The following UNC13C variants were observed in gnomAD, a reference collection of about 807,000 sequenced individuals.
UNC13C encodes the protein protein unc-13 homolog C.
In UNC13C, 174 loss-of-function variants were observed where a neutral mutation model predicts 245.4. The ratio of observed to expected loss-of-function variants is 0.71; its 90% confidence interval spans 0.63 to 0.80. The LOEUF is 0.80. Among genes scored for constraint, UNC13C ranks in the 30% least tolerant of loss-of-function variants. The pLI, the probability that UNC13C is intolerant of heterozygous loss-of-function variation, is 0.00. For missense variants in UNC13C, 2,829 were observed against 2,602.9 expected, an observed-to-expected ratio of 1.09 and a Z score of -1.89; for synonymous variants, 992 against 895.1, an observed-to-expected ratio of 1.11 and a Z score of -1.93.
intron 32 of UNC13C, among the ~76,000 whole-genome samples, chr15:54,626,023 G>GA (rs1251579888): frequency 3.9e-5 from 6 of 152,096 alleles, no homozygotes; most frequent in East Asian, 1.9e-4. Context: ...TGTTTCATCA[G>GA]AAAAAAATCA....
the UNC13C span, among the ~76,000 whole-genome samples, chr15:53,939,671 G>C: frequency 6.6e-6 from 1 of 152,180 alleles, no homozygotes; most frequent in South Asian, 2.1e-4. Context: ...TGGGATGCAA[G>C]GTTGGTTCAA....
At position 54,479,228 on chromosome 15, in the gene UNC13C, A is replaced by G. The variant is rs540011617; in HGVS notation, c.4934-15380A>G. ...GGGGTCTCTCTCTCTCTTTAGCTCT[A>G]AGAATATTTGCTTTATATATCTGGG... On this transcript the variant is annotated intron_variant, in intron 19 of 32. Transcript: ENST00000260323. 3.2e-4 allele frequency among the ~76,000 whole-genome samples: 48 copies of G among 152,022 alleles called. No homozygotes were observed. In the South Asian group the frequency reaches 9.6e-3, roughly 30 times the overall value.
chr15:54,498,126 A>G (rs1205478494), intron 20 of UNC13C, among the ~76,000 whole-genome samples: 1 of 152,144 alleles, frequency 6.6e-6, no homozygotes, highest in Non-Finnish European at 1.5e-5. Flanking sequence ...ATAGGTATCT[A>G]CATTTCTATA....
chr15:53,870,899 C>G, the UNC13C span, among the ~76,000 whole-genome samples: 3 of 152,160 alleles, frequency 2.0e-5, no homozygotes, highest in Non-Finnish European at 4.4e-5. Flanking sequence ...TTCCTCATGT[C>G]TTTCCTATGA....
rs1044686831 is a variant in UNC13C, at chr15:54,236,524, T to C, written c.3156+89T>C. 7.0e-6 allele frequency: 7 copies of C among 997,222 alleles called. No homozygotes were observed. In the Admixed American group the frequency reaches 1.4e-4, roughly 19 times the overall value. 61.8% of individuals were successfully genotyped at this position (997,222 alleles called of 1,614,324 possible). Reference sequence around the variant, plus strand: ...CTCATGGGGTAAAAGAGGGCAAGAATGGAGAAATGAAAAGACAGACATACA... The same window carrying C: ...CTCATGGGGTAAAAGAGGGCAAGAACGGAGAAATGAAAAGACAGACATACA... On this transcript the variant is annotated intron_variant, in intron 6 of 32. Transcript: ENST00000260323.
chr15:54,528,564 G>A (rs73421552), intron 25 of UNC13C, among the ~76,000 whole-genome samples: 6,863 of 150,272 alleles, frequency 0.046, 501 homozygotes, highest in African/African-American at 0.16. Flanking sequence ...ATTTTTTCAC[G>A]TAATAGGAGC....
At position 54,627,280 on chromosome 15, in the gene UNC13C, C is replaced by A. The variant is rs1201383024; in HGVS notation, c.*167C>A. The A allele has an allele frequency of 3.1e-6, 2 of 650,922 alleles. No homozygotes were observed. Among genetic ancestry groups the A allele is most frequent in the East Asian group, 5.8e-5 (2 of 34,468 alleles). 40.3% of individuals were successfully genotyped at this position (650,922 alleles called of 1,614,324 possible). ...GCTGAACTTTTATACCAATTCTGGT[C>A]TTTGGGAAATCAGTGTTCCATGAAG... On this transcript the variant is annotated 3_prime_UTR_variant, in exon 33 of 33. Transcript: ENST00000260323.
intron 30 of UNC13C, 29 bp downstream of exon 30, chr15:54,567,976 G>A: frequency 7.0e-7 from 1 of 1,421,586 alleles, no homozygotes; most frequent in African/African-American, 1.4e-5. Flanking sequence ...CTGAGAATAA[G>A]GTAAACTGAA....
chr15:53,965,165 T>C, the UNC13C span, among the ~76,000 whole-genome samples: 1 of 152,310 alleles, frequency 6.6e-6, no homozygotes, highest in Admixed American at 6.5e-5. Flanking sequence ...CTATGTTTTA[T>C]TATGTAAAAT....
chr15:54,049,205 A>G (rs564212098), intron 2 of UNC13C: 6 of 479,186 alleles, frequency 1.3e-5, no homozygotes, highest in Non-Finnish European at 1.2e-5. Flanking sequence ...TTATTTTTTC[A>G]TCAGCTTTGT....
chr15:54,203,517 C>CAT (rs2034592790), intron 4 of UNC13C, among the ~76,000 whole-genome samples: 1 of 142,294 alleles, frequency 7.0e-6, no homozygotes, highest in Non-Finnish European at 1.5e-5. Flanking sequence ...CACACACACA[C>CAT]ACATATATAT....
chr15:54,277,783 A>G (rs927273101), intron 10 of UNC13C, among the ~76,000 whole-genome samples: 26 of 152,198 alleles, frequency 1.7e-4, no homozygotes, highest in Admixed American at 5.9e-4. Context: ...TGCATGTTCA[A>G]TCACAAGGAT....
chr15:54,059,093 G>C (rs1897677838), intron 2 of UNC13C, among the ~76,000 whole-genome samples: 1 of 152,136 alleles, frequency 6.6e-6, no homozygotes. Flanking sequence ...ATTCAACATA[G>C]TGTTGGAAGT....
intron 30 of UNC13C, among the ~76,000 whole-genome samples, chr15:54,605,210 C>T (rs1465646733): frequency 6.6e-6 from 1 of 152,146 alleles, no homozygotes; most frequent in Non-Finnish European, 1.5e-5. Context: ...ACCAATTTGT[C>T]TGAATGGCCC....
intron 4 of UNC13C, among the ~76,000 whole-genome samples, chr15:54,197,634 ATC>A (rs1354856597): frequency 1.3e-5 from 2 of 152,136 alleles, no homozygotes; most frequent in African/African-American, 4.8e-5. Context: ...CCTGAAGTGC[ATC>A]TTCTGGCTGT....
At chr15:54,396,718 C>G (rs1471932697) in intron 18 of UNC13C, among the ~76,000 whole-genome samples, 2 of 151,380 alleles carry the variant, frequency 1.3e-5, no homozygotes, top group African/African-American at 4.8e-5. Flanking sequence ...TTTTACCTAT[C>G]CTAACAGGCA....
At chr15:54,465,057 A>G (rs1298853448) in intron 19 of UNC13C, among the ~76,000 whole-genome samples, 1 of 152,082 alleles carries the variant, frequency 6.6e-6, no homozygotes, top group Non-Finnish European at 1.5e-5. Flanking sequence ...ATTCAGTATC[A>G]TATAATTTCA....
In UNC13C at chr15:54,379,298, T is replaced by A. The variant is rs187161688; in HGVS notation, c.4714-13750T>A. Among the ~76,000 whole-genome samples the A allele has an allele frequency of 1.6e-4, 25 of 152,138 alleles. No homozygotes were observed. In the East Asian group the frequency reaches 3.9e-3, roughly 24 times the overall value. On this transcript the variant is annotated intron_variant, in intron 17 of 32. Transcript: ENST00000260323. Reference sequence around the variant, plus strand: ...TAAACTATTCCACTTCCTCTTAAAATTAGGGAATTGTGTGTAGTTGGAAAT... The same window carrying A: ...TAAACTATTCCACTTCCTCTTAAAAATAGGGAATTGTGTGTAGTTGGAAAT...
chr15:54,397,703 T>C (rs1487927786), intron 18 of UNC13C, among the ~76,000 whole-genome samples: 3 of 151,418 alleles, frequency 2.0e-5, no homozygotes, highest in African/African-American at 7.2e-5. Context: ...CTTATTTTGG[T>C]GAAAAGGTGT....
Sources: gnomAD v4.1 joint callset for allele counts (sites outside exome capture counted in the v4.1 genomes callset) on GRCh38, gnomAD v4.1.1 for gene constraint, MANE v1.5 for transcripts, NCBI Gene and HGNC (gene_info 2026-07-23, HGNC 2026-07-21) for gene names.